Variants in ITPRID1 observed in about 807,000 individuals in gnomAD.
ITPRID1 encodes ITPR interacting domain containing 1, also known as protein ITPRID1.
A neutral mutation model predicts 95.4 loss-of-function variants in ITPRID1; 96 were observed. The observed-to-expected ratio is 1.01, with a 90% CI of 0.85 to 1.19. The LOEUF (loss-of-function observed/expected upper bound fraction) is 1.19, where lower values mean the gene tolerates loss of function less well. ITPRID1 is among the 50% of genes most tolerant of loss of function. The pLI is 0.00. For synonymous variants in ITPRID1, 510 were observed against 453.6 expected (o/e 1.12, Z -1.58); for missense variants, 1,339 against 1,252.9 (o/e 1.07, Z -1.04).
chr7:31,574,746 A>G lies in ITPRID1; in HGVS notation c.598+4A>G. 6.2e-7 allele frequency: 1 copy of G among 1,613,596 alleles called. No individual in the cohort carries two copies. The highest frequency in any genetic ancestry group is 8.5e-7 in the Non-Finnish European group (1 of 1,179,668). On this transcript the variant is annotated splice_donor_region_variant and intron_variant, in intron 8 of 14. Transcript: ENST00000615280. ...ATTGAGAACCCCAACTTGTACGGTA[A>G]GCGAGGTGCCTGTGGCATTCGCATC...
At chr7:31,526,792 G>A (rs1376293612) in intron 1 of ITPRID1, among the ~76,000 whole-genome samples, 1 of 151,756 alleles carries the variant, frequency 6.6e-6, no homozygotes, top group African/African-American at 2.4e-5. Flanking sequence ...TTCTACTCTT[G>A]GGGCCATGAT....
In ITPRID1 at chr7:31,642,847, T is replaced by C. The variant is rs1329570808; in HGVS notation, c.1477T>C (p.Leu493=). Residue 493 remains leucine (L), a synonymous_variant, in exon 12 of 15, where the codon TTG becomes CTG. Coordinates refer to ENST00000615280, the MANE Select transcript of ITPRID1 (RefSeq NM_001257967.3). The part of the protein sequence containing the change: ...MSFSSQEANA[L]EQRASVSVME... ...TTTTTCAAGCCAAGAAGCGAATGCC[T>C]TGGAACAAAGGGCCTCAGTATCTGT... is the stretch of plus-strand genomic sequence containing the variant. The C allele has an allele frequency of 6.2e-7, 1 of 1,613,978 alleles. No homozygotes were observed. The highest frequency in any genetic ancestry group is 8.5e-7 in the Non-Finnish European group (1 of 1,179,894).
intron 10 of ITPRID1, among the ~76,000 whole-genome samples, chr7:31,609,951 C>T (rs1001086479): frequency 6.6e-6 from 1 of 151,480 alleles, no homozygotes; most frequent in African/African-American, 2.4e-5. Flanking sequence ...GCTTTTGCTG[C>T]ATTCATACAT....
intron 1 of ITPRID1, among the ~76,000 whole-genome samples, chr7:31,537,007 AGTGAAAAT>A (rs1218656676): frequency 6.6e-6 from 1 of 151,974 alleles, no homozygotes; most frequent in East Asian, 1.9e-4. Context: ...CCTGAGCTTA[AGTGAAAAT>A]TTCACTTAGC....
Position 31,620,333 on chromosome 7 carries a change from T to C in ITPRID1, c.1229-21843T>C, listed in dbSNP as rs542499272. Among the ~76,000 whole-genome samples, 28 of 151,678 alleles carry C rather than the reference T, an allele frequency of 1.8e-4. No homozygotes were observed. In the East Asian group the frequency reaches 2.5e-3, roughly 14 times the overall value. On this transcript the variant is annotated intron_variant, in intron 10 of 14. Coordinates refer to ENST00000615280, the MANE Select transcript of ITPRID1 (RefSeq NM_001257967.3). ...AAGTGGGTCCCTGACCCCTGACCCC[T>C]GAGCAGCCTAACTGGGAGGCACCCC...
chr7:31,591,961 A>T lies in ITPRID1; in HGVS notation c.1228+8770A>T, dbSNP rs761688686. Among the ~76,000 whole-genome samples, 120 of 152,214 alleles carry T rather than the reference A, an allele frequency of 7.9e-4. 1 individual carries two copies. Among genetic ancestry groups the T allele is most frequent in the Non-Finnish European group, 9.6e-4 (65 of 68,034 alleles). On this transcript the variant is annotated intron_variant, in intron 10 of 14. Transcript: ENST00000615280. ...TGGTGGGGTGAGATTTAACTCACAC[A>T]TTTCTGGACCAAAAAAATTCAGATA...
intron 5 of ITPRID1, among the ~76,000 whole-genome samples, chr7:31,567,535 C>T (rs1030240420): frequency 9.3e-5 from 14 of 151,328 alleles, no homozygotes; most frequent in African/African-American, 3.4e-4. Context: ...TATTCCCACT[C>T]ACTATTTAAA....
chr7:31,521,433 TTG>T (rs1230915861), intron 1 of ITPRID1, among the ~76,000 whole-genome samples: 1 of 152,174 alleles, frequency 6.6e-6, no homozygotes, highest in Non-Finnish European at 1.5e-5. Flanking sequence ...AGAACACACT[TTG>T]TGTGATTTCT....
At chr7:31,567,466 A>G (rs1784838046) in intron 5 of ITPRID1, among the ~76,000 whole-genome samples, 1 of 152,180 alleles carries the variant, frequency 6.6e-6, no homozygotes. Context: ...AAGTGACAAA[A>G]TTGGTAATGA....
chr7:31,531,986 G>C (rs1052053213), intron 1 of ITPRID1, among the ~76,000 whole-genome samples: 3 of 152,002 alleles, frequency 2.0e-5, no homozygotes, highest in African/African-American at 7.3e-5. Context: ...AACAACTTAC[G>C]TCAGGCCTAA....
intron 10 of ITPRID1, among the ~76,000 whole-genome samples, chr7:31,597,728 A>G (rs1240989136): frequency 6.6e-6 from 1 of 152,158 alleles, no homozygotes; most frequent in East Asian, 1.9e-4. Flanking sequence ...GAAATGCAAC[A>G]TAATTTCTAT....
In ITPRID1 at chr7:31,549,354, A is replaced by G; in HGVS notation, c.-97-72A>G. On this transcript the variant is annotated intron_variant, in intron 1 of 14. Coordinates refer to ENST00000615280, the MANE Select transcript of ITPRID1 (RefSeq NM_001257967.3). ...TCAAGACAACACAGGCTACCCACAAACTAACAGGGTCAAGTTTATTTTCTG... is the reference window on the plus strand; with the variant it reads ...TCAAGACAACACAGGCTACCCACAAGCTAACAGGGTCAAGTTTATTTTCTG... The G allele has an allele frequency of 3.4e-6, 4 of 1,164,594 alleles. No homozygotes were observed. The East Asian group carries it at 1.1e-4, about 33-fold the overall frequency. The allele number at this position is 1,164,594 out of a possible 1,614,324, so 72.1% of individuals were successfully genotyped here.
At chr7:31,530,652 C>T (rs968759222) in intron 1 of ITPRID1, among the ~76,000 whole-genome samples, 1 of 152,132 alleles carries the variant, frequency 6.6e-6, no homozygotes, top group African/African-American at 2.4e-5. Flanking sequence ...ATCCATTTCT[C>T]ACTGTAAACT....
chr7:31,605,388 C>T (rs879606221), intron 10 of ITPRID1, among the ~76,000 whole-genome samples: 1 of 152,178 alleles, frequency 6.6e-6, no homozygotes, highest in Non-Finnish European at 1.5e-5. Context: ...TAGTATAAAA[C>T]AATTCAAGGT....
intron 7 of ITPRID1, among the ~76,000 whole-genome samples, chr7:31,574,167 G>GA (rs1785092150): frequency 1.1e-5 from 1 of 88,494 alleles, no homozygotes; most frequent in Admixed American, 1.3e-4. Flanking sequence ...AGTTTTGTGG[G>GA]ATTTTTTTTT....
chr7:31,654,577 C>T lies in ITPRID1; in HGVS notation c.*1748C>T, dbSNP rs958078013. ...CAGCTAGGAGGCTGTTGCTGTCATC[C>T]CCAAGGTGAGAAGCAAATGTCGTCA... On this transcript the variant is annotated 3_prime_UTR_variant, in exon 15 of 15. Coordinates refer to ENST00000615280, the MANE Select transcript of ITPRID1 (RefSeq NM_001257967.3). 6.6e-6 allele frequency among the ~76,000 whole-genome samples: 1 copy of T among 152,096 alleles called. No homozygotes were observed. The highest frequency in any genetic ancestry group is 1.5e-5 in the Non-Finnish European group (1 of 68,026).
At chr7:31,545,659 C>T (rs542140284) in intron 1 of ITPRID1, among the ~76,000 whole-genome samples, 19 of 152,222 alleles carry the variant, frequency 1.2e-4, no homozygotes, top group African/African-American at 4.3e-4. Flanking sequence ...CCAGCTTGGG[C>T]ACAACTGCCT....
Position 31,643,556 on chromosome 7 carries a change from G to A in ITPRID1, c.2186G>A (p.Gly729Asp). The change falls in exon 12 of 15, where the codon GGT (glycine) becomes GAT (aspartate). Residue 729 changes from glycine to aspartate, a missense_variant. Coordinates refer to ENST00000615280, the MANE Select transcript of ITPRID1 (RefSeq NM_001257967.3). ...CAGAGGGCTGTGGCCTTGGGGACTG[G>A]TCCCAGAGGAACATCTTTAGAATGC... ...AAQRAVALGT[G>D]PRGTSLECTV... is the part of the protein sequence containing the mutation. 1 of 1,614,020 alleles carries A rather than the reference G, an allele frequency of 6.2e-7. No homozygotes were observed.
Position 31,523,391 on chromosome 7 carries a change from G to T in ITPRID1, c.-98+9271G>T, listed in dbSNP as rs116042980. On this transcript the variant is annotated intron_variant, in intron 1 of 14. Coordinates refer to ENST00000615280, the MANE Select transcript of ITPRID1 (RefSeq NM_001257967.3). Reference sequence around the variant, plus strand: ...ACTGATTGCAAGACAAGGGTGTCACGTGAAGAGCTGCCTTGATGATATCCC... The same window carrying T: ...ACTGATTGCAAGACAAGGGTGTCACTTGAAGAGCTGCCTTGATGATATCCC... Among the ~76,000 whole-genome samples the T allele has an allele frequency of 3.1e-3, 467 of 152,310 alleles. 5 individuals are homozygous for T. The highest frequency in any genetic ancestry group is 9.9e-3 in the African/African-American group (412 of 41,576).
Sources: allele counts gnomAD v4.1 joint callset (sites outside exome capture counted in the v4.1 genomes callset), GRCh38; gene constraint gnomAD v4.1.1; transcripts MANE v1.5; gene names NCBI Gene and HGNC (gene_info 2026-07-23, HGNC 2026-07-21).